Variants in STK33 observed in about 807,000 individuals in gnomAD.
The protein encoded by STK33 is serine/threonine-protein kinase 33.
STK33 carries 52 observed loss-of-function variants against 58.0 expected under a neutral mutation model. That is an observed-to-expected ratio of 0.90 (90% CI 0.72 to 1.13). The LOEUF is 1.13. STK33 is among the 50% of genes most tolerant of loss of function. STK33 has a pLI of 0.00. For missense variants in STK33, 630 were observed against 604.2 expected (o/e 1.04, Z -0.45); for synonymous variants, 215 against 200.1 (o/e 1.07, Z -0.63).
chr11:8,391,252 G>C (rs891699586), downstream of STK33, among the ~76,000 whole-genome samples: 1 of 152,222 alleles, frequency 6.6e-6, no homozygotes, highest in African/African-American at 2.4e-5. Context: ...AAGGGAGAAA[G>C]ATCTTGAAGC....
At chr11:8,387,015 T>C (rs1848553193), downstream of STK33, among the ~76,000 whole-genome samples, 1 of 152,214 alleles carries the variant, frequency 6.6e-6, no homozygotes, top group African/African-American at 2.4e-5. Context: ...TAAAAACATA[T>C]TCAAAGGCTT....
chr11:8,549,953 T>C (rs1956194490), intron 1 of STK33, among the ~76,000 whole-genome samples: 1 of 152,200 alleles, frequency 6.6e-6, no homozygotes, highest in South Asian at 2.1e-4. Flanking sequence ...TCAGCTTATC[T>C]TTACTTAAAA....
intron 1 of STK33, among the ~76,000 whole-genome samples, chr11:8,497,165 T>C (rs577683402): frequency 1.3e-5 from 2 of 151,948 alleles, no homozygotes; most frequent in African/African-American, 4.8e-5. Context: ...AGAAGAAACA[T>C]AAAGGGGAAG....
At chr11:8,394,899 T>C (rs566643085) in intron 15 of STK33, among the ~76,000 whole-genome samples, 119 of 152,314 alleles carry the variant, frequency 7.8e-4, no homozygotes, top group South Asian at 6.8e-3. Context: ...CTTAAATAGA[T>C]AGTACATCCC....
the STK33 span, among the ~76,000 whole-genome samples, chr11:8,337,775 G>A: frequency 6.6e-6 from 1 of 151,758 alleles, no homozygotes; most frequent in Non-Finnish European, 1.5e-5. Context: ...GGCTGAGTAT[G>A]CCACATACAT....
chr11:8,364,757 T>A, the STK33 span, among the ~76,000 whole-genome samples: 1 of 152,228 alleles, frequency 6.6e-6, no homozygotes, highest in Non-Finnish European at 1.5e-5. Flanking sequence ...CTTCATTGTA[T>A]GAATATGCCA....
rs139196903 is a variant in STK33, at chr11:8,563,190, C to G, written c.-466+30893G>C. ...GGGCATACAACCTAGAAATAACTAT[C>G]TTTTTTCTTGGGATACCCATAGGCC... On this transcript the variant is annotated intron_variant, in intron 1 of 15. Coordinates refer to ENST00000687296, the MANE Select transcript of STK33 (RefSeq NM_001352389.2). Among the ~76,000 whole-genome samples, 113 of 152,208 alleles carry G rather than the reference C, an allele frequency of 7.4e-4. 1 individual carries two copies. The Middle Eastern group carries it at 0.017, about 23-fold the overall frequency.
intron 1 of STK33, among the ~76,000 whole-genome samples, chr11:8,493,807 A>G (rs1950832768): frequency 6.6e-6 from 1 of 152,210 alleles, no homozygotes; most frequent in African/African-American, 2.4e-5. Flanking sequence ...CCAAATCACT[A>G]TATGTAATCC....
chr11:8,371,450 A>T, the STK33 span, among the ~76,000 whole-genome samples: 2 of 152,152 alleles, frequency 1.3e-5, no homozygotes, highest in African/African-American at 4.8e-5. Flanking sequence ...AAATACCTTG[A>T]TTTGGACTTC....
chr11:8,461,410 T>G (rs1019780576), intron 8 of STK33, among the ~76,000 whole-genome samples: 1 of 152,186 alleles, frequency 6.6e-6, no homozygotes, highest in Non-Finnish European at 1.5e-5. Context: ...GTGAAAAATA[T>G]ACCCATACCA....
chr11:8,359,801 G>A, the STK33 span, among the ~76,000 whole-genome samples: 1 of 152,252 alleles, frequency 6.6e-6, no homozygotes, highest in African/African-American at 2.4e-5. Flanking sequence ...TGGCACAGGG[G>A]TGGTCTAGCA....
intron 14 of STK33, among the ~76,000 whole-genome samples, chr11:8,421,007 A>G (rs1225431047): frequency 6.6e-6 from 1 of 151,084 alleles, no homozygotes. Flanking sequence ...GAGGGGGGGA[A>G]TATTTTTTGT....
chr11:8,392,987 T>C (rs1041619867), intron 15 of STK33, among the ~76,000 whole-genome samples: 7 of 152,240 alleles, frequency 4.6e-5, no homozygotes, highest in African/African-American at 1.7e-4. Context: ...TCTGGTAACA[T>C]TTGTGCAGGG....
At chr11:8,523,685 G>A (rs888742261) in intron 1 of STK33, among the ~76,000 whole-genome samples, 6 of 144,582 alleles carry the variant, frequency 4.1e-5, no homozygotes, top group African/African-American at 1.3e-4. Flanking sequence ...CCAGGCAGCC[G>A]CCACTTCCGG....
chr11:8,509,758 T>C (rs1190963874), intron 1 of STK33, among the ~76,000 whole-genome samples: 1 of 152,202 alleles, frequency 6.6e-6, no homozygotes, highest in African/African-American at 2.4e-5. Flanking sequence ...GAACATATGA[T>C]AGTTGGTTTT....
chr11:8,531,047 T>C (rs918327088), intron 1 of STK33, among the ~76,000 whole-genome samples: 5 of 152,154 alleles, frequency 3.3e-5, no homozygotes, highest in Admixed American at 6.5e-5. Context: ...TGCTCACTTT[T>C]AGCAACTAGG....
the STK33 span, among the ~76,000 whole-genome samples, chr11:8,343,999 C>T: frequency 6.6e-6 from 1 of 152,200 alleles, no homozygotes; most frequent in East Asian, 1.9e-4. Context: ...ACGGCTCCTT[C>T]TTCCAGCAGT....
intron 11 of STK33, among the ~76,000 whole-genome samples, chr11:8,442,320 T>C (rs118003027): frequency 1.1e-4 from 17 of 152,336 alleles, no homozygotes; most frequent in Non-Finnish European, 2.4e-4. Context: ...AGTTGCTCTA[T>C]GGCCACATGT....
At chr11:8,589,242 CA>C (rs1240948760) in intron 1 of STK33, among the ~76,000 whole-genome samples, 3 of 149,166 alleles carry the variant, frequency 2.0e-5, no homozygotes, top group Admixed American at 6.7e-5. Context: ...TTCAAAATAC[CA>C]AAAAAAAAGA....
Sources: allele counts gnomAD v4.1 joint callset (sites outside exome capture counted in the v4.1 genomes callset), GRCh38; gene constraint gnomAD v4.1.1; transcripts MANE v1.5; gene names NCBI Gene and HGNC (gene_info 2026-07-23, HGNC 2026-07-21).